The following ZNF536 variants were observed in gnomAD, a reference collection of about 807,000 sequenced individuals.
ZNF536 encodes the protein zinc finger protein 536.
In ZNF536, 13 loss-of-function variants were observed where a neutral mutation model predicts 84.5. The observed-to-expected ratio is 0.15, with a 90% CI of 0.10 to 0.24. ZNF536 has a LOEUF of 0.24. ZNF536 is among the 10% of genes least tolerant of loss of function. The pLI, the probability that ZNF536 is intolerant of heterozygous loss-of-function variation, is 1.00. For synonymous variants in ZNF536, 811 were observed against 742.5 expected (o/e 1.09, Z -1.50); for missense variants, 1,536 against 1,747.5 (o/e 0.88, Z 2.16).
intron 1 of ZNF536, among the ~76,000 whole-genome samples, chr19:30,608,150 G>A (rs1450532088): frequency 6.6e-6 from 1 of 152,050 alleles, no homozygotes; most frequent in East Asian, 1.9e-4. Context: ...GATTTGTTTG[G>A]AACAAGATTT....
intron 1 of ZNF536, among the ~76,000 whole-genome samples, chr19:30,631,902 A>G (rs2048901805): frequency 6.6e-6 from 1 of 152,204 alleles, no homozygotes; most frequent in African/African-American, 2.4e-5. Flanking sequence ...TGAGCCACTG[A>G]CGACTCAGCT....
At chr19:30,471,457 C>T (rs2053631088) in intron 2 of ZNF536, among the ~76,000 whole-genome samples, 1 of 152,212 alleles carries the variant, frequency 6.6e-6, no homozygotes, top group Non-Finnish European at 1.5e-5. Context: ...TGCTTTTAGG[C>T]AGGGGCTCCT....
chr19:30,428,977 C>T (rs1297466750), intron 1 of ZNF536, among the ~76,000 whole-genome samples: 2 of 152,148 alleles, frequency 1.3e-5, no homozygotes, highest in Admixed American at 1.3e-4. Context: ...CCAGCCTGAC[C>T]CGCTTCCTTG....
chr19:30,659,362 T>C (rs965210374), intron 1 of ZNF536, among the ~76,000 whole-genome samples: 6 of 152,088 alleles, frequency 3.9e-5, no homozygotes, highest in African/African-American at 1.4e-4. Flanking sequence ...GCACTCACTC[T>C]TGTCATGACA....
chr19:30,240,479 G>A (rs1056176538), intron 1 of ZNF536, among the ~76,000 whole-genome samples: 3 of 152,206 alleles, frequency 2.0e-5, no homozygotes, highest in Non-Finnish European at 2.9e-5. Flanking sequence ...GGGTATCTGG[G>A]CCCCTCCCAG....
chr19:30,548,414 A>C lies in ZNF536; in HGVS notation c.2795A>C (p.Lys932Thr). The C allele has an allele frequency of 6.2e-7, 1 of 1,614,228 alleles. No homozygotes were observed. The highest frequency in any genetic ancestry group is 1.1e-5 in the South Asian group (1 of 91,090). ...MDSFVLSSLK[K>T]EKDMKDKALA... Reference sequence around the variant, plus strand: ...AGTTTTGTCCTCAGTTCCTTGAAGAAGGAGAAGGACATGAAGGACAAAGCC... The same window carrying C: ...AGTTTTGTCCTCAGTTCCTTGAAGACGGAGAAGGACATGAAGGACAAAGCC... Residue 932 changes from lysine to threonine, a missense_variant, in exon 4 of 5, where the codon AAG becomes ACG. Around this residue, in one of 8 missense-constraint regions of ZNF536, gnomAD observed 624 missense variants for 603.1 expected, o/e 1.03. Coordinates refer to ENST00000355537, the MANE Select transcript of ZNF536 (RefSeq NM_014717.3).
chr19:30,686,858 T>C (rs2051209087), intron 1 of ZNF536, among the ~76,000 whole-genome samples: 1 of 152,058 alleles, frequency 6.6e-6, no homozygotes, highest in South Asian at 2.1e-4. Context: ...GATCATGTGG[T>C]ATAAGAGAGA....
chr19:30,234,826 C>T (rs1455767281), intron 1 of ZNF536, among the ~76,000 whole-genome samples: 1 of 152,156 alleles, frequency 6.6e-6, no homozygotes, highest in African/African-American at 2.4e-5. Flanking sequence ...TGTGAAAGCC[C>T]ACCTAAAATC....
At chr19:30,417,536 G>A (rs1269488362) in intron 1 of ZNF536, among the ~76,000 whole-genome samples, 1 of 151,870 alleles carries the variant, frequency 6.6e-6, no homozygotes, top group African/African-American at 2.4e-5. Flanking sequence ...AAGATTTAAT[G>A]GAATTCTCTA....
intron 2 of ZNF536, among the ~76,000 whole-genome samples, chr19:30,343,398 T>C (rs769980465): frequency 6.6e-6 from 1 of 152,190 alleles, no homozygotes; most frequent in Non-Finnish European, 1.5e-5. Flanking sequence ...CATCTCTTCA[T>C]AATATGTATC....
At chr19:30,702,612 C>T (rs915784633) in intron 1 of ZNF536, among the ~76,000 whole-genome samples, 1 of 152,134 alleles carries the variant, frequency 6.6e-6, no homozygotes, top group Non-Finnish European at 1.5e-5. Context: ...CCAAGTTTCC[C>T]GGTGGATCCT....
chr19:30,534,029 G>T (rs1382763441), intron 2 of ZNF536, among the ~76,000 whole-genome samples: 4 of 152,150 alleles, frequency 2.6e-5, no homozygotes, highest in African/African-American at 9.7e-5. Context: ...CAATTTCTTT[G>T]CAGAAGGCAG....
At chr19:30,501,227 G>A (rs1165122565) in intron 2 of ZNF536, among the ~76,000 whole-genome samples, 1 of 152,144 alleles carries the variant, frequency 6.6e-6, no homozygotes, top group Non-Finnish European at 1.5e-5. Flanking sequence ...TTCTTGTCTT[G>A]TCTCATGCCC....
At chr19:30,627,545 C>T (rs1297225124) in intron 1 of ZNF536, among the ~76,000 whole-genome samples, 1 of 148,552 alleles carries the variant, frequency 6.7e-6, no homozygotes, top group African/African-American at 2.5e-5. Flanking sequence ...AATTGGGTTC[C>T]AGCCCTGCCT....
At chr19:30,681,478 A>G (rs781174558) in intron 1 of ZNF536, among the ~76,000 whole-genome samples, 2 of 152,150 alleles carry the variant, frequency 1.3e-5, no homozygotes, top group Non-Finnish European at 2.9e-5. Context: ...CCCAGCAGAA[A>G]GTGCAGCTTA....
intron 1 of ZNF536, among the ~76,000 whole-genome samples, chr19:30,246,559 C>T (rs532948516): frequency 7.3e-4 from 111 of 152,184 alleles, no homozygotes; most frequent in Non-Finnish European, 1.3e-3. Flanking sequence ...CACTGCCTTG[C>T]CAGCTACACA....
At chr19:30,658,682 T>G (rs2050009814) in intron 1 of ZNF536, among the ~76,000 whole-genome samples, 1 of 152,212 alleles carries the variant, frequency 6.6e-6, no homozygotes, top group African/African-American at 2.4e-5. Context: ...TTCTTAGCAG[T>G]TATTAAAAAT....
intron 3 of ZNF536, among the ~76,000 whole-genome samples, 187 bp from the exon 4 acceptor site, chr19:30,547,756 C>T (rs1223960234): frequency 3.3e-5 from 5 of 151,168 alleles, no homozygotes; most frequent in Admixed American, 3.3e-4. Flanking sequence ...CTGAATAGTC[C>T]CAAATGGTAC....
chr19:30,616,289 G>T (rs762839289), intron 1 of ZNF536, among the ~76,000 whole-genome samples: 1 of 152,114 alleles, frequency 6.6e-6, no homozygotes, highest in African/African-American at 2.4e-5. Flanking sequence ...TTTCAGCATC[G>T]AGCATCTGGT....
Sources: allele counts gnomAD v4.1 joint callset (sites outside exome capture counted in the v4.1 genomes callset), GRCh38; gene constraint gnomAD v4.1.1; regional missense constraint gnomAD v4.1.1; transcripts MANE v1.5; gene names NCBI Gene and HGNC (gene_info 2026-07-23, HGNC 2026-07-21).